The following DAB1 variants were observed in gnomAD, a reference collection of about 807,000 sequenced individuals.
DAB1 encodes disabled homolog 1.
In DAB1, 15 loss-of-function variants were observed where a neutral mutation model predicts 64.6. That is an observed-to-expected ratio of 0.23 (90% CI 0.16 to 0.36). The LOEUF is 0.36. Among genes scored for constraint, DAB1 ranks in the 10% least tolerant of loss-of-function variants. The pLI is 1.00. For synonymous variants in DAB1, 235 were observed against 251.9 expected, an observed-to-expected ratio of 0.93 and a Z score of 0.64; for missense variants, 596 against 706.7, an observed-to-expected ratio of 0.84 and a Z score of 1.78.
At chr1:57,618,355 C>T (rs997747377) in intron 7 of DAB1, among the ~76,000 whole-genome samples, 18 of 144,904 alleles carry the variant, frequency 1.2e-4, no homozygotes, top group African/African-American at 4.4e-4. Flanking sequence ...GTGGAGGTTG[C>T]AGTAAGACAA....
intron 4 of DAB1, among the ~76,000 whole-genome samples, chr1:57,105,562 C>A (rs939929545): frequency 2.0e-5 from 3 of 152,280 alleles, no homozygotes; most frequent in African/African-American, 7.2e-5. Context: ...GTGAGCCATT[C>A]ACGATGCAGA....
Position 57,179,633 on chromosome 1 carries a change from G to A in DAB1, c.68-34204C>T, listed in dbSNP as rs559767132. On this transcript the variant is annotated intron_variant, in intron 2 of 14. Transcript: ENST00000371236. ...CACTATGAACCAATTTTTCCCTTGG[G>A]TTTTATTACTGAAATCATCAAAATA... 2.0e-5 allele frequency among the ~76,000 whole-genome samples: 3 copies of A among 152,132 alleles called. No homozygotes were observed. In the East Asian group the frequency reaches 5.8e-4, roughly 29 times the overall value.
chr1:57,591,500 C>G (rs1645445336), intron 7 of DAB1, among the ~76,000 whole-genome samples: 1 of 152,158 alleles, frequency 6.6e-6, no homozygotes, highest in Admixed American at 6.5e-5. Flanking sequence ...GACATTCTGA[C>G]TGGGGTCAGT....
intron 3 of DAB1, among the ~76,000 whole-genome samples, chr1:58,495,726 T>A (rs1398429981): frequency 2.0e-5 from 3 of 152,278 alleles, no homozygotes; most frequent in South Asian, 4.1e-4. Context: ...TTAGTTTTTG[T>A]AGATATCATA....
intron 4 of DAB1, among the ~76,000 whole-genome samples, chr1:57,110,026 C>T (rs1177225632): frequency 6.6e-6 from 1 of 152,250 alleles, no homozygotes; most frequent in East Asian, 1.9e-4. Context: ...CTTTGTGACA[C>T]AGGAGACATA....
intron 2 of DAB1, among the ~76,000 whole-genome samples, chr1:57,284,314 G>A (rs1672140943): frequency 6.6e-6 from 1 of 152,196 alleles, no homozygotes; most frequent in Admixed American, 6.5e-5. Flanking sequence ...CAGCGTGGAT[G>A]ACTAGAGTCA....
At position 58,268,191 on chromosome 1, in the gene DAB1, T is replaced by C. The variant is rs181931914; in HGVS notation, n.309+75161A>G. On this transcript the variant is annotated intron_variant and non_coding_transcript_variant, in intron 4 of 20. Transcript: ENST00000485760. ...TATCTTTAATTTAAAAAATTATTCT[T>C]TTATAGCCATATTTTAAATCATAAG... is the stretch of plus-strand genomic sequence containing the variant. Among the ~76,000 whole-genome samples the C allele has an allele frequency of 8.5e-5, 13 of 152,306 alleles. No homozygotes were observed. The East Asian group carries it at 2.5e-3, about 29-fold the overall frequency.
chr1:57,346,490 T>C (rs1678113203), intron 1 of DAB1, among the ~76,000 whole-genome samples: 1 of 152,234 alleles, frequency 6.6e-6, no homozygotes, highest in South Asian at 2.1e-4. Context: ...CCAATTCTTA[T>C]CTTTGCTCTT....
intron 1 of DAB1, among the ~76,000 whole-genome samples, chr1:57,852,764 C>T (rs1399248910): frequency 6.6e-6 from 1 of 152,106 alleles, no homozygotes; most frequent in African/African-American, 2.4e-5. Flanking sequence ...TTCTCATTTA[C>T]ATTTATTATT....
At chr1:57,400,633 C>T (rs1434175804) in intron 1 of DAB1, among the ~76,000 whole-genome samples, 5 of 151,306 alleles carry the variant, frequency 3.3e-5, no homozygotes, top group South Asian at 4.2e-4. Context: ...CACAGTTCCA[C>T]GGAGGTCTCT....
At chr1:58,345,797 T>C (rs191140807) in intron 3 of DAB1, among the ~76,000 whole-genome samples, 1 of 152,114 alleles carries the variant, frequency 6.6e-6, no homozygotes, top group Admixed American at 6.5e-5. Flanking sequence ...CCTCATTATA[T>C]AAGGAGGCTC....
intron 5 of DAB1, among the ~76,000 whole-genome samples, chr1:58,064,790 C>T (rs868004470): frequency 2.6e-5 from 4 of 152,098 alleles, no homozygotes; most frequent in Non-Finnish European, 5.9e-5. Flanking sequence ...GGCGTGATCT[C>T]GGCTCACTGC....
intron 6 of DAB1, among the ~76,000 whole-genome samples, chr1:57,783,103 TTTC>T (rs1395186730): frequency 2.9e-5 from 2 of 69,724 alleles, no homozygotes; most frequent in African/African-American, 1.0e-4. Flanking sequence ...CTCTCTCTCT[TTTC>T]TTTTTTTTTT....
chr1:57,262,025 GAGA>G (rs1670221343), intron 2 of DAB1, among the ~76,000 whole-genome samples: 2 of 152,278 alleles, frequency 1.3e-5, no homozygotes, highest in East Asian at 1.9e-4. Context: ...GGAGGGAGGA[GAGA>G]AGAAGATTTG....
intron 4 of DAB1, among the ~76,000 whole-genome samples, chr1:58,164,043 G>A (rs1211822646): frequency 6.6e-6 from 1 of 151,950 alleles, no homozygotes; most frequent in East Asian, 1.9e-4. Context: ...CAAACACGTG[G>A]CAACCCTTAG....
At chr1:57,346,909 T>C (rs1049688489) in intron 1 of DAB1, among the ~76,000 whole-genome samples, 3 of 152,220 alleles carry the variant, frequency 2.0e-5, no homozygotes, top group African/African-American at 7.2e-5. Flanking sequence ...GTACCTATGG[T>C]ATGCCAGGCA....
At chr1:57,480,643 C>A (rs896069056) in intron 7 of DAB1, among the ~76,000 whole-genome samples, 1 of 152,070 alleles carries the variant, frequency 6.6e-6, no homozygotes, top group African/African-American at 2.4e-5. Flanking sequence ...TGCCACCATG[C>A]CTGGCTAATT....
rs189515043 is a variant in DAB1 at position 58,150,962 on chromosome 1, G to A, written n.310-374C>T. On this transcript the variant is annotated intron_variant and non_coding_transcript_variant, in intron 4 of 20. Transcript: ENST00000485760. ...GCGGTATTTGGTTTTTTGTCCTTGC[G>A]ATAGTTTGCTGAGAATGGTGGTATC... 2.1e-3 allele frequency among the ~76,000 whole-genome samples: 323 copies of A among 152,104 alleles called. 4 individuals carry two copies. The highest frequency in any genetic ancestry group is 7.3e-3 in the African/African-American group (304 of 41,454).
chr1:57,768,207 C>T (rs1649404607), intron 6 of DAB1, among the ~76,000 whole-genome samples: 1 of 143,414 alleles, frequency 7.0e-6, no homozygotes, highest in South Asian at 2.2e-4. Flanking sequence ...AGTTGAGGTG[C>T]TACATCCATG....
Sources: gnomAD v4.1 joint callset for allele counts (sites outside exome capture counted in the v4.1 genomes callset) on GRCh38, gnomAD v4.1.1 for gene constraint, MANE v1.5 for transcripts, NCBI Gene and HGNC (gene_info 2026-07-23, HGNC 2026-07-21) for gene names.